FES: variants seen among roughly 807,000 people sequenced by gnomAD.
FES encodes tyrosine-protein kinase Fes/Fps.
In FES, 83 loss-of-function variants were observed where a neutral mutation model predicts 109.6. That is an observed-to-expected ratio of 0.76 (90% CI 0.63 to 0.91). The LOEUF is 0.91. Among genes scored for constraint, FES ranks in the 40% least tolerant of loss-of-function variants. The probability of loss-of-function intolerance (pLI) is 0.00; values close to 1 mark genes in which losing one functional copy is unlikely to be tolerated. For synonymous variants in FES, 458 were observed against 442.1 expected (o/e 1.04, Z -0.45); for missense variants, 943 against 1,070.9 (o/e 0.88, Z 1.67).
chr15:90,884,846 A>C (rs775401542), intron 1 of FES, 191 bp from the exon 2 acceptor site: 11 of 581,238 alleles, frequency 1.9e-5, no homozygotes, highest in Non-Finnish European at 3.4e-5. Context: ...CCTGACGCTA[A>C]GGAAGCAATG....
Position 90,889,229 on chromosome 15 carries a change from C to G in FES, c.669-77C>G. ...GTCAACCCCAGCCCTGACTCCAAAC[C>G]CAGGGTCCTAGGCCTGAACTGCCCA... On this transcript the variant is annotated intron_variant, in intron 5 of 18. Coordinates refer to ENST00000328850, the MANE Select transcript of FES (RefSeq NM_002005.4). This position sits in a 1 kb window ranked among gnomAD's most constrained non-coding sequence, Gnocchi z 6.1. 2 of 1,568,260 alleles carry G rather than the reference C, an allele frequency of 1.3e-6. No individual in the cohort carries two copies. Among genetic ancestry groups the G allele is most frequent in the African/African-American group, 1.3e-5 (1 of 74,080 alleles).
In FES at chr15:90,893,323, G is replaced by T. The variant is rs967470597; in HGVS notation, c.1954G>T (p.Gly652Trp). ...GDFLTFLRTE[G>W]ARLRVKTLLQ... ...CTTCCTGACCTTCCTCCGCACGGAG[G>T]GGGCCCGCCTGCGGGTGAAGACTCT... The change falls in exon 16 of 19, where the codon GGG becomes TGG. Residue 652 changes from glycine to tryptophan, a missense_variant. Gly to Trp is a radical substitution (Grantham distance 184). Transcript: ENST00000328850. 2.5e-5 allele frequency: 40 copies of T among 1,576,718 alleles called. No homozygotes were observed. Among genetic ancestry groups the T allele is most frequent in the Middle Eastern group, 1.7e-4 (1 of 5,858 alleles).
At chr15:90,890,547 C>A in intron 10 of FES, 63 bp downstream of exon 10, 2 of 1,456,892 alleles carry the variant, frequency 1.4e-6, no homozygotes, top group African/African-American at 1.4e-5. Context: ...CTGGGATGTC[C>A]TAGAGAGGAG....
rs2033228876 is a variant in FES at position 90,891,663 on chromosome 15, G to A, written c.1640G>A (p.Arg547Lys). 3.7e-6 allele frequency: 6 copies of A among 1,613,804 alleles called. No homozygotes were observed. Among genetic ancestry groups the A allele is most frequent in the Non-Finnish European group, 5.1e-6 (6 of 1,179,952 alleles). ...LTKKSGVVLH[R>K]AVPKDKWVLN... is the part of the protein sequence containing the mutation. ...AAGAAGAGTGGTGTTGTCCTGCACA[G>A]GGCTGTGCCCAAGGTGAGCCTGCAC... Residue 547 changes from arginine (R) to lysine (K), a missense_variant, in exon 12 of 19, where the codon AGG becomes AAG. Transcript: ENST00000328850.
rs781647825 is a variant in FES, at chr15:90,889,875, C to T, written c.962C>T (p.Thr321Ile). Residue 321 changes from threonine (T) to isoleucine (I), a missense_variant, in exon 8 of 19, where the codon ACC (threonine) becomes ATC (isoleucine). By Grantham distance (89) the Thr-to-Ile change is moderately conservative. Coordinates refer to ENST00000328850, the MANE Select transcript of FES (RefSeq NM_002005.4). This position sits in a 1 kb window ranked among gnomAD's most constrained non-coding sequence, Gnocchi z 6.1. ...GTGACAGATGAGCTGGCTGTGGCCA[C>T]CGAGATGGTGTTCAGGCGGCAGGAG... ...TSVTDELAVATEMVFRRQEMV... is the reference protein window; with the variant it reads ...TSVTDELAVAIEMVFRRQEMV... 1 of 1,613,660 alleles carries T rather than the reference C, an allele frequency of 6.2e-7. No homozygotes were observed. The highest frequency in any genetic ancestry group is 8.5e-7 in the Non-Finnish European group (1 of 1,179,962).
rs2032454916 is a variant in FES at position 90,885,212 on chromosome 15, G to A, written c.167G>A (p.Ser56Asn). 2 of 1,613,454 alleles carry A rather than the reference G, an allele frequency of 1.2e-6. No homozygotes were observed. The highest frequency in any genetic ancestry group is 1.7e-6 in the Non-Finnish European group (2 of 1,180,028). The change falls in exon 2 of 19, where the codon AGT (serine) becomes AAT (asparagine). Residue 56 changes from serine to asparagine, a missense_variant. Transcript: ENST00000328850. ...GLLHHMSLQD[S>N]GGQSRAISPD... ...CTTCACCACATGTCCCTGCAGGACA[G>A]TGGGGGCCAGAGCCGGGCCATCAGC...
rs2033352181 is a variant in FES, at chr15:90,892,814, A to G, written c.1815A>G (p.Leu605=). 2 of 1,613,428 alleles carry G rather than the reference A, an allele frequency of 1.2e-6. No homozygotes were observed. Among genetic ancestry groups the G allele is most frequent in the South Asian group, 2.2e-5 (2 of 91,084 alleles). Residue 605 remains leucine, a synonymous_variant, in exon 14 of 19, where the codon CTA becomes CTG. Transcript: ENST00000328850. ...TLPPDLKAKF[L]QEARILKQYS... ...CACCTGACCTCAAGGCCAAGTTTCTACAGGAAGCGAGGTGGGTGATAAACT... is the reference window on the plus strand; with the variant it reads ...CACCTGACCTCAAGGCCAAGTTTCTGCAGGAAGCGAGGTGGGTGATAAACT...
rs149847085 is a variant in FES, at chr15:90,889,397, C to T, written c.760C>T (p.Arg254Cys). The T allele has an allele frequency of 1.2e-4, 196 of 1,614,100 alleles. 1 individual carries two copies. Among genetic ancestry groups the T allele is most frequent in the South Asian group, 5.9e-4 (54 of 91,086 alleles). Residue 254 changes from arginine (R) to cysteine (C), a missense_variant, in exon 6 of 19, where the codon CGC (arginine) becomes TGC (cysteine). Arg to Cys is a radical substitution (Grantham distance 180, BLOSUM62 -3). Coordinates refer to ENST00000328850, the MANE Select transcript of FES (RefSeq NM_002005.4). This position sits in a 1 kb window ranked among gnomAD's most constrained non-coding sequence, Gnocchi z 6.1. The part of the protein sequence containing the change: ...IHREMAAAAA[R>C]IQPEAEYQGF... ...CCGGGAGATGGCTGCAGCTGCTGCC[C>T]GCATCCAGCCTGAGGCTGAGTACCA... is the stretch of plus-strand genomic sequence containing the variant.
intron 18 of FES, among the ~76,000 whole-genome samples, 178 bp from the exon 19 acceptor site, chr15:90,895,238 T>G (rs1245922378): frequency 6.6e-6 from 1 of 152,056 alleles, no homozygotes. Context: ...AGCTAGCACG[T>G]GGTAGGATTA....
rs1169361379 is a variant in FES at position 90,893,319 on chromosome 15, G to A, written c.1950G>A (p.Thr650=). 7 of 1,573,802 alleles carry A rather than the reference G, an allele frequency of 4.4e-6. No individual in the cohort carries two copies. The highest frequency in any genetic ancestry group is 1.7e-4 in the Middle Eastern group (1 of 5,846). Reference sequence around the variant, plus strand: ...GCGACTTCCTGACCTTCCTCCGCACGGAGGGGGCCCGCCTGCGGGTGAAGA... The same window carrying A: ...GCGACTTCCTGACCTTCCTCCGCACAGAGGGGGCCCGCCTGCGGGTGAAGA... ...QGGDFLTFLR[T]EGARLRVKTL... Residue 650 remains threonine (T), a synonymous_variant, in exon 16 of 19, where the codon ACG becomes ACA. Transcript: ENST00000328850.
intron 13 of FES, 47 bp downstream of exon 13, chr15:90,892,158 A>G: frequency 1.9e-6 from 3 of 1,610,156 alleles, no homozygotes; most frequent in Non-Finnish European, 2.5e-6. Flanking sequence ...ACTTCTCCTG[A>G]GTCGCGCCTG....
chr15:90,893,239 C>T lies in FES; in HGVS notation c.1921+45C>T, dbSNP rs1236927345. 3.1e-6 allele frequency: 5 copies of T among 1,613,228 alleles called. No homozygotes were observed. The Admixed American group carries it at 6.7e-5, about 22-fold the overall frequency. ...CTCCAGGTAGGGCGCGCAGCCTGGTCAGGTGGCAGCCTTACCTCAGGAGGC... is the reference window on the plus strand; with the variant it reads ...CTCCAGGTAGGGCGCGCAGCCTGGTTAGGTGGCAGCCTTACCTCAGGAGGC... On this transcript the variant is annotated intron_variant, in intron 15 of 18. Coordinates refer to ENST00000328850, the MANE Select transcript of FES (RefSeq NM_002005.4).
rs1298231549 is a variant in FES at position 90,893,589 on chromosome 15, G to C, written c.2046-65G>C. 33 of 1,517,822 alleles carry C rather than the reference G, an allele frequency of 2.2e-5. No individual in the cohort carries two copies. The Admixed American group carries it at 6.8e-4, about 31-fold the overall frequency. The allele number at this position is 1,517,822 out of a possible 1,614,324, so 94.0% of individuals were successfully genotyped here. On this transcript the variant is annotated intron_variant, in intron 16 of 18. Transcript: ENST00000328850. ...GCAGCTTTTGTCCTTGGCTTTCCTA[G>C]AGTGTTCAGCCAGGGCTGGGCAGGC...
At chr15:90,893,031 C>G in intron 14 of FES, 69 bp from the exon 15 acceptor site, 2 of 1,542,596 alleles carry the variant, frequency 1.3e-6, no homozygotes, top group South Asian at 1.2e-5. Context: ...AGCTCTTCTC[C>G]CATCATCCCT....
rs1268445880 is a variant in FES at position 90,887,271 on chromosome 15, T to C, written c.569T>C (p.Val190Ala). 1.2e-6 allele frequency: 2 copies of C among 1,613,198 alleles called. No individual in the cohort carries two copies. Among genetic ancestry groups the C allele is most frequent in the South Asian group, 1.1e-5 (1 of 91,088 alleles). ...FAHHNRYVLGVRAAQLHHQHH... is the reference protein window; with the variant it reads ...FAHHNRYVLGARAAQLHHQHH... ...CACCACAACCGCTATGTGCTGGGCG[T>C]GCGGGCTGCGCAGCTACACCACCAG... The change falls in exon 5 of 19, where the codon GTG (valine) becomes GCG (alanine). Residue 190 changes from valine to alanine, a missense_variant. Physicochemically the swap from Val to Ala is moderately conservative, Grantham distance 64 (BLOSUM62 0). Coordinates refer to ENST00000328850, the MANE Select transcript of FES (RefSeq NM_002005.4).
chr15:90,893,427 T>G lies in FES; in HGVS notation c.2045+13T>G, dbSNP rs1596115061. On this transcript the variant is annotated intron_variant, in intron 16 of 18. Coordinates refer to ENST00000328850, the MANE Select transcript of FES (RefSeq NM_002005.4). ...GCTGCATCCACCGGTGAGTGGGCGG[T>G]GGCCACGGGCCCTGCCAACACCCCC... 6.5e-7 allele frequency: 1 copy of G among 1,531,804 alleles called. No homozygotes were observed. The highest frequency in any genetic ancestry group is 1.3e-5 in the South Asian group (1 of 78,768). The allele number at this position is 1,531,804 out of a possible 1,614,324, so 94.9% of individuals were successfully genotyped here.
At position 90,889,102 on chromosome 15, in the gene FES, A is replaced by T; in HGVS notation, c.669-204A>T. ...GTGCCTGGCCCACTGGATCCTTATT[A>T]CAACTGCCAGTGTCCCTCTTATATA... is the stretch of plus-strand genomic sequence containing the variant. On this transcript the variant is annotated intron_variant, in intron 5 of 18. Coordinates refer to ENST00000328850, the MANE Select transcript of FES (RefSeq NM_002005.4). This position sits in a 1 kb window ranked among gnomAD's most constrained non-coding sequence, Gnocchi z 6.1. 1 of 635,920 alleles carries T rather than the reference A, an allele frequency of 1.6e-6. No individual in the cohort carries two copies. The highest frequency in any genetic ancestry group is 2.6e-6 in the Non-Finnish European group (1 of 378,502). The allele number at this position is 635,920 out of a possible 1,614,324, so 39.4% of individuals were successfully genotyped here.
intron 13 of FES, 162 bp downstream of exon 13, chr15:90,892,273 G>C: frequency 4.0e-6 from 3 of 754,000 alleles, no homozygotes; most frequent in South Asian, 3.2e-5. Context: ...CCAGGAAACG[G>C]GACAGTACCT....
intron 18 of FES, 82 bp from the exon 19 acceptor site, chr15:90,895,334 A>G (rs2033612008): frequency 3.2e-6 from 4 of 1,257,700 alleles, no homozygotes; most frequent in Non-Finnish European, 2.1e-6. Context: ...AGCAGCTCCT[A>G]TGGCTCATGG....
Sources: allele counts gnomAD v4.1 joint callset (sites outside exome capture counted in the v4.1 genomes callset), GRCh38; gene constraint gnomAD v4.1.1; non-coding constraint Gnocchi (gnomAD v3.1); transcripts MANE v1.5; gene names NCBI Gene and HGNC (gene_info 2026-07-23, HGNC 2026-07-21).